Variants in FARP1 observed in about 807,000 individuals in gnomAD.
FARP1 encodes FERM, ARHGEF and pleckstrin domain-containing protein 1.
Under a neutral mutation model 128.8 loss-of-function variants are expected in FARP1, and 52 were observed. That is an observed-to-expected ratio of 0.40 (90% CI 0.32 to 0.51). The LOEUF is 0.51. Ranked by LOEUF, FARP1 falls within the 20% of genes least tolerant of loss-of-function variation. The pLI, the probability that FARP1 is intolerant of heterozygous loss-of-function variation, is 0.45. For missense variants in FARP1, 1,333 were observed against 1,367.9 expected, an observed-to-expected ratio of 0.97 and a Z score of 0.40; for synonymous variants, 580 against 551.8, an observed-to-expected ratio of 1.05 and a Z score of -0.72.
In FARP1 at chr13:98,438,860, C is replaced by A. The variant is rs1252776378; in HGVS notation, c.2331C>A (p.Arg777=). 7 of 1,613,716 alleles carry A rather than the reference C, an allele frequency of 4.3e-6. No homozygotes were observed. The South Asian group carries it at 6.6e-5, about 15-fold the overall frequency. The change falls in exon 20 of 27, where the codon CGC becomes CGA. Residue 777 remains arginine (R), a synonymous_variant. Coordinates refer to ENST00000319562, the MANE Select transcript of FARP1 (RefSeq NM_005766.4). ...TCTCGGGGAAGGGGCTCCAGCAGCGCATGTTCTTCCTGGTGAGTGGAGAGA... is the reference window on the plus strand; with the variant it reads ...TCTCGGGGAAGGGGCTCCAGCAGCGAATGTTCTTCCTGGTGAGTGGAGAGA... ...SKLSGKGLQQ[R]MFFLFNDVLL...
At chr13:98,197,350 C>G (rs1241800812) in intron 1 of FARP1, among the ~76,000 whole-genome samples, 1 of 151,964 alleles carries the variant, frequency 6.6e-6, no homozygotes, top group Admixed American at 6.5e-5. Flanking sequence ...CCTGTAATCC[C>G]AGCTACTCGG....
At chr13:98,165,214 C>CAAAAA (rs34285712) in intron 1 of FARP1, among the ~76,000 whole-genome samples, 37 of 84,576 alleles carry the variant, frequency 4.4e-4, no homozygotes, top group East Asian at 1.7e-3. Flanking sequence ...GACTCTGTCT[C>CAAAAA]AAAAAAAAAA....
At chr13:98,338,277 A>G (rs753537859) in intron 2 of FARP1, among the ~76,000 whole-genome samples, 101 of 152,262 alleles carry the variant, frequency 6.6e-4, no homozygotes, top group Non-Finnish European at 1.2e-3. Flanking sequence ...TTACCTTGCA[A>G]AACTGAAGCT....
intron 3 of FARP1, among the ~76,000 whole-genome samples, chr13:98,363,687 T>C (rs1206124608): frequency 2.0e-5 from 3 of 152,226 alleles, no homozygotes; most frequent in African/African-American, 7.2e-5. Context: ...TGCCCTGCCA[T>C]GGAAATCTCA....
intron 2 of FARP1, among the ~76,000 whole-genome samples, chr13:98,252,039 G>C (rs1178949878): frequency 1.3e-5 from 2 of 152,052 alleles, no homozygotes; most frequent in African/African-American, 2.4e-5. Flanking sequence ...GTAGAGACAG[G>C]GTTTCACTAT....
chr13:98,167,011 G>A (rs1375468220), intron 1 of FARP1, among the ~76,000 whole-genome samples: 1 of 152,130 alleles, frequency 6.6e-6, no homozygotes, highest in Non-Finnish European at 1.5e-5. Flanking sequence ...ACAGGCATGT[G>A]CCACCACACC....
At chr13:98,294,151 G>A (rs1189493174) in intron 2 of FARP1, among the ~76,000 whole-genome samples, 1 of 152,142 alleles carries the variant, frequency 6.6e-6, no homozygotes, top group Non-Finnish European at 1.5e-5. Context: ...GCCCCACTGT[G>A]GCTTCCCTTA....
chr13:98,356,017 C>G (rs1011120368), intron 3 of FARP1, among the ~76,000 whole-genome samples: 1 of 152,070 alleles, frequency 6.6e-6, no homozygotes, highest in African/African-American at 2.4e-5. Context: ...GTTTTATGGT[C>G]CCGAATATGT....
chr13:98,183,355 T>C (rs1412086249), intron 1 of FARP1, among the ~76,000 whole-genome samples: 1 of 152,206 alleles, frequency 6.6e-6, no homozygotes, highest in Non-Finnish European at 1.5e-5. Context: ...TGTCAGTTCT[T>C]TGGAACTTCA....
chr13:98,360,752 A>C (rs1166507753), intron 3 of FARP1, among the ~76,000 whole-genome samples: 2 of 152,184 alleles, frequency 1.3e-5, no homozygotes, highest in Non-Finnish European at 2.9e-5. Flanking sequence ...CTGATGGGCA[A>C]TGAGATTTCT....
At chr13:98,186,630 A>G (rs879332647) in intron 1 of FARP1, among the ~76,000 whole-genome samples, 1 of 152,062 alleles carries the variant, frequency 6.6e-6, no homozygotes, top group South Asian at 2.1e-4. Context: ...GTAATAATCC[A>G]TTGTATGTAT....
chr13:98,350,853 C>G (rs1271085163), intron 3 of FARP1, among the ~76,000 whole-genome samples: 1 of 152,150 alleles, frequency 6.6e-6, no homozygotes, highest in Non-Finnish European at 1.5e-5. Flanking sequence ...TATCCAGCCA[C>G]CTCCTTCCTG....
Position 98,181,661 on chromosome 13 carries a change from A to AGAGAGAGAGAGAGAGT in FARP1, c.-23-31558_-23-31557insAGAGAGAGAGAGAGTG, listed in dbSNP as rs138526104. Among the ~76,000 whole-genome samples, 52 of 148,658 alleles carry AGAGAGAGAGAGAGAGT rather than the reference A, an allele frequency of 3.5e-4. 1 individual carries two copies. In the East Asian group the frequency reaches 5.5e-3, roughly 16 times the overall value. The stretch of plus-strand genomic sequence containing the variant: ...ATTTATTTGAGAGAGAGAGAGAGAG[A>AGAGAGAGAGAGAGAGT]GTCTCACTGTTGCCCAGGGGTGTGT... On this transcript the variant is annotated intron_variant, in intron 1 of 26. Coordinates refer to ENST00000319562, the MANE Select transcript of FARP1 (RefSeq NM_005766.4).
chr13:98,389,692 A>T (rs1337168844), intron 9 of FARP1: 1 of 366,366 alleles, frequency 2.7e-6, no homozygotes, highest in African/African-American at 2.1e-5. Context: ...TCTGTCAAAA[A>T]ATGGTGTCAC....
At chr13:98,251,245 G>T (rs542365546) in intron 2 of FARP1, among the ~76,000 whole-genome samples, 4 of 152,190 alleles carry the variant, frequency 2.6e-5, no homozygotes, top group Non-Finnish European at 5.9e-5. Flanking sequence ...CAGGTGCTTT[G>T]TCCAAGTTCA....
At chr13:98,392,834 G>T (rs1323206363) in intron 11 of FARP1, among the ~76,000 whole-genome samples, 1 of 149,250 alleles carries the variant, frequency 6.7e-6, no homozygotes, top group Non-Finnish European at 1.5e-5. Flanking sequence ...TTTTCAGGAG[G>T]TTTTTTTTTT....
intron 16 of FARP1, 73 bp downstream of exon 16, chr13:98,412,107 G>A: frequency 6.9e-7 from 1 of 1,457,526 alleles, no homozygotes; most frequent in Non-Finnish European, 9.5e-7. Context: ...TCGTCCCTGG[G>A]TAGGCAGCAG....
intron 1 of FARP1, among the ~76,000 whole-genome samples, chr13:98,202,179 G>C (rs1488203125): frequency 1.3e-5 from 2 of 152,208 alleles, no homozygotes; most frequent in Non-Finnish European, 2.9e-5. Flanking sequence ...CCAGCTCCTG[G>C]CGTGTGGCTC....
rs1223394706 is a variant in FARP1 at position 98,417,463 on chromosome 13, A to AGG, written c.1826+5429_1826+5430insGG. The stretch of plus-strand genomic sequence containing the variant: ...GAGGCCACCAGAGGTTTGAAAAAAA[A>AGG]AAAAAAAAAAAAAAAAAAAAAGAAC... On this transcript the variant is annotated intron_variant, in intron 16 of 26. Transcript: ENST00000319562. Among the ~76,000 whole-genome samples, 119 of 105,100 alleles carry AGG rather than the reference A, an allele frequency of 1.1e-3. 2 individuals are homozygous for AGG. The highest frequency in any genetic ancestry group is 2.2e-3 in the Non-Finnish European group (103 of 47,076). The allele number at this position is 105,100 out of a possible 152,430, so 68.9% of individuals were successfully genotyped here. A position where few individuals can be genotyped will look rare whatever the true frequency, so the allele number is the denominator to read the frequency against.
Sources: allele counts gnomAD v4.1 joint callset (sites outside exome capture counted in the v4.1 genomes callset), GRCh38; gene constraint gnomAD v4.1.1; transcripts MANE v1.5; gene names NCBI Gene and HGNC (gene_info 2026-07-23, HGNC 2026-07-21).